The following B3GALT1 variants were observed in gnomAD, a reference collection of about 807,000 sequenced individuals.
B3GALT1 encodes beta-1,3-galactosyltransferase 1, also known as UDP-Gal:betaGlcNAc beta 1,3-galactosyltransferase, polypeptide 1.
In B3GALT1, 10 loss-of-function variants were observed where a neutral mutation model predicts 23.2. That is an observed-to-expected ratio of 0.43 (90% CI 0.27 to 0.73). The LOEUF (loss-of-function observed/expected upper bound fraction) is 0.73. B3GALT1 is among the 30% of genes least tolerant of loss of function. The pLI is 0.21. For synonymous variants in B3GALT1, 156 were observed against 141.5 expected, an observed-to-expected ratio of 1.10 and a Z score of -0.73; for missense variants, 299 against 405.4, an observed-to-expected ratio of 0.74 and a Z score of 2.25.
At chr2:167,838,439 A>C (rs1318214254) in intron 4 of B3GALT1, among the ~76,000 whole-genome samples, 3 of 152,292 alleles carry the variant, frequency 2.0e-5, no homozygotes, top group Non-Finnish European at 4.4e-5. Flanking sequence ...GAAATGGATA[A>C]ATTCCTCAAC....
chr2:167,533,903 G>C (rs1448974309), intron 2 of B3GALT1, among the ~76,000 whole-genome samples: 2 of 152,110 alleles, frequency 1.3e-5, no homozygotes, highest in Non-Finnish European at 2.9e-5. Flanking sequence ...TGTTTAGACA[G>C]GTGTACTATT....
intron 1 of B3GALT1, among the ~76,000 whole-genome samples, chr2:167,400,682 G>A (rs1338784090): frequency 3.9e-5 from 6 of 152,044 alleles, no homozygotes; most frequent in African/African-American, 1.4e-4. Context: ...TTTTCCTTGT[G>A]CATCTTCACT....
chr2:167,812,310 A>G lies in B3GALT1; in HGVS notation c.-351-6362A>G, dbSNP rs148477248. Among the ~76,000 whole-genome samples the G allele has an allele frequency of 3.2e-4, 48 of 152,356 alleles. No individual in the cohort carries two copies. The East Asian group carries it at 9.1e-3, about 29-fold the overall frequency. On this transcript the variant is annotated intron_variant, in intron 3 of 4. Transcript: ENST00000392690. ...TAAACTTTCCAAAATTTGTTTGTAC[A>G]TACGCCCTGGAATGGACTTAATTTT...
At chr2:167,716,974 A>G (rs907002995) in intron 3 of B3GALT1, among the ~76,000 whole-genome samples, 48 of 152,252 alleles carry the variant, frequency 3.2e-4, no homozygotes, top group African/African-American at 1.1e-3. Flanking sequence ...ACCCTCTCAA[A>G]TTTGTAGTAT....
intron 3 of B3GALT1, among the ~76,000 whole-genome samples, chr2:167,719,923 C>A (rs1229836091): frequency 6.6e-6 from 1 of 151,512 alleles, no homozygotes; most frequent in Non-Finnish European, 1.5e-5. Context: ...CAGAGCGAGA[C>A]CCTGTCTCAA....
intron 4 of B3GALT1, among the ~76,000 whole-genome samples, chr2:167,829,212 G>A (rs533570591): frequency 7.2e-5 from 11 of 152,216 alleles, no homozygotes; most frequent in Admixed American, 1.3e-4. Flanking sequence ...GGCCAGGTGC[G>A]GTGGCTCACG....
At chr2:167,865,741 G>A (rs538682298) in intron 4 of B3GALT1, among the ~76,000 whole-genome samples, 106 of 152,176 alleles carry the variant, frequency 7.0e-4, no homozygotes, top group African/African-American at 2.4e-3. Flanking sequence ...GCAGTGAGCC[G>A]AGATTGCACC....
At chr2:167,466,349 G>A (rs2105328330) in intron 1 of B3GALT1, among the ~76,000 whole-genome samples, 1 of 152,016 alleles carries the variant, frequency 6.6e-6, no homozygotes, top group East Asian at 1.9e-4. Context: ...CGGGCGCGGT[G>A]GCTCACACCT....
chr2:167,432,026 C>A (rs1426800158), intron 1 of B3GALT1, among the ~76,000 whole-genome samples: 1 of 152,096 alleles, frequency 6.6e-6, no homozygotes, highest in Admixed American at 6.5e-5. Flanking sequence ...AAGGATAGTC[C>A]TATAGGAGTA....
chr2:167,657,170 C>T (rs1685968980), intron 3 of B3GALT1, among the ~76,000 whole-genome samples: 2 of 152,036 alleles, frequency 1.3e-5, no homozygotes, highest in South Asian at 4.2e-4. Context: ...CTTCAAGATA[C>T]CCAGGGGATA....
intron 1 of B3GALT1, among the ~76,000 whole-genome samples, chr2:167,438,182 G>T (rs1358353450): frequency 1.3e-5 from 2 of 152,198 alleles, no homozygotes; most frequent in Non-Finnish European, 2.9e-5. Context: ...AAAGTTGTTG[G>T]AATGCTGTGG....
At chr2:167,710,983 AATG>A (rs1687039250) in intron 3 of B3GALT1, among the ~76,000 whole-genome samples, 1 of 152,112 alleles carries the variant, frequency 6.6e-6, no homozygotes, top group Admixed American at 6.5e-5. Context: ...CTGCATTTAG[AATG>A]ATATCCAAAT....
chr2:167,567,735 A>G lies in B3GALT1; in HGVS notation c.-410+77458A>G, dbSNP rs187374138. ...CAACTGATGAATCTACACTGAAACA[A>G]CATTATCCCCCGAAGTCCATAGTTT... is the stretch of plus-strand genomic sequence containing the variant. On this transcript the variant is annotated intron_variant, in intron 2 of 4. Transcript: ENST00000392690. Among the ~76,000 whole-genome samples, 6 of 152,202 alleles carry G rather than the reference A, an allele frequency of 3.9e-5. No homozygotes were observed. The East Asian group carries it at 1.2e-3, about 29-fold the overall frequency.
chr2:167,709,594 A>C (rs1687019158), intron 3 of B3GALT1, among the ~76,000 whole-genome samples: 1 of 152,134 alleles, frequency 6.6e-6, no homozygotes, highest in South Asian at 2.1e-4. Flanking sequence ...GAAATTTAGA[A>C]AGGCTACAGC....
intron 3 of B3GALT1, among the ~76,000 whole-genome samples, chr2:167,772,845 T>G (rs1273378360): frequency 1.3e-5 from 2 of 152,222 alleles, no homozygotes; most frequent in Non-Finnish European, 2.9e-5. Flanking sequence ...AAGGTAATTA[T>G]CATTTAACAG....
At position 167,516,103 on chromosome 2, in the gene B3GALT1, A is replaced by C. The variant is rs542513820; in HGVS notation, c.-410+25826A>C. Among the ~76,000 whole-genome samples, 47 of 152,006 alleles carry C rather than the reference A, an allele frequency of 3.1e-4. 1 individual carries two copies. The highest frequency in any genetic ancestry group is 9.9e-4 in the African/African-American group (41 of 41,520). On this transcript the variant is annotated intron_variant, in intron 2 of 4. Coordinates refer to ENST00000392690, the MANE Select transcript of B3GALT1 (RefSeq NM_020981.4). ...CTTATTTTTTAGACACGCCTCCCCC[A>C]CCACCACCGCAATTTAACTGGCTCT...
At chr2:167,309,934 A>T (rs1696611965) in intron 1 of B3GALT1, among the ~76,000 whole-genome samples, 1 of 152,134 alleles carries the variant, frequency 6.6e-6, no homozygotes, top group Non-Finnish European at 1.5e-5. Context: ...GCATGCATGC[A>T]GTACATACTA....
chr2:167,815,877 A>T (rs1321461743), intron 3 of B3GALT1, among the ~76,000 whole-genome samples: 1 of 152,230 alleles, frequency 6.6e-6, no homozygotes, highest in African/African-American at 2.4e-5. Flanking sequence ...GTCAATTTTC[A>T]ATTATCTGCC....
At chr2:167,682,297 T>A (rs1156727915) in intron 3 of B3GALT1, among the ~76,000 whole-genome samples, 2 of 152,252 alleles carry the variant, frequency 1.3e-5, no homozygotes, top group Non-Finnish European at 2.9e-5. Flanking sequence ...TTTCAACGAA[T>A]TAAAAGTATC....
Sources: gnomAD v4.1 joint callset for allele counts (sites outside exome capture counted in the v4.1 genomes callset) on GRCh38, gnomAD v4.1.1 for gene constraint, MANE v1.5 for transcripts, NCBI Gene and HGNC (gene_info 2026-07-23, HGNC 2026-07-21) for gene names.